The following MYRIP variants were observed in gnomAD, a reference collection of about 807,000 sequenced individuals.
MYRIP encodes the protein rab effector MyRIP.
MYRIP carries 49 observed loss-of-function variants against 98.0 expected under a neutral mutation model. That is an observed-to-expected ratio of 0.50 (90% CI 0.40 to 0.63). MYRIP has a LOEUF of 0.63. Ranked by LOEUF, MYRIP falls within the 30% of genes least tolerant of loss-of-function variation. MYRIP has a pLI of 0.00. For missense variants in MYRIP, 1,004 were observed against 1,058.2 expected (o/e 0.95, Z 0.71); for synonymous variants, 404 against 409.5 (o/e 0.99, Z 0.16).
At chr3:39,895,551 T>C (rs1943588049) in intron 1 of MYRIP, among the ~76,000 whole-genome samples, 1 of 152,140 alleles carries the variant, frequency 6.6e-6, no homozygotes, top group South Asian at 2.1e-4. Context: ...GAAACTTTTT[T>C]TGCGGTAAAC....
At chr3:40,185,609 A>C (rs1951012006) in intron 9 of MYRIP, among the ~76,000 whole-genome samples, 1 of 152,162 alleles carries the variant, frequency 6.6e-6, no homozygotes, top group Non-Finnish European at 1.5e-5. Flanking sequence ...TGTTTTTGCT[A>C]AGAAGTAAAA....
At chr3:39,877,729 A>G (rs1412679914) in intron 1 of MYRIP, among the ~76,000 whole-genome samples, 1 of 152,056 alleles carries the variant, frequency 6.6e-6, no homozygotes, top group East Asian at 1.9e-4. Context: ...GTACCCGGCC[A>G]TGTGAGGTGT....
At chr3:39,839,741 A>G (rs542463495) in intron 1 of MYRIP, among the ~76,000 whole-genome samples, 27 of 152,206 alleles carry the variant, frequency 1.8e-4, no homozygotes, top group Admixed American at 9.2e-4. Context: ...ATTCAGGAGC[A>G]GGTTGTTCAG....
intron 1 of MYRIP, among the ~76,000 whole-genome samples, chr3:39,870,757 C>A (rs1002648523): frequency 6.6e-6 from 1 of 152,132 alleles, no homozygotes; most frequent in African/African-American, 2.4e-5. Flanking sequence ...ACATTAAATA[C>A]AACCAGGCAT....
At chr3:40,144,180 C>T (rs1384332057) in intron 3 of MYRIP, among the ~76,000 whole-genome samples, 1 of 152,206 alleles carries the variant, frequency 6.6e-6, no homozygotes, top group Non-Finnish European at 1.5e-5. Flanking sequence ...TGCCTTCAGG[C>T]TTGAGTAGAT....
intron 11 of MYRIP, 45 bp from the exon 12 acceptor site, chr3:40,233,814 G>A: frequency 1.3e-6 from 2 of 1,544,210 alleles, no homozygotes; most frequent in African/African-American, 2.8e-5. Context: ...CATTGTTAAT[G>A]TGCTGTTCTT....
At chr3:39,864,618 G>T (rs1163336506) in intron 1 of MYRIP, among the ~76,000 whole-genome samples, 1 of 152,032 alleles carries the variant, frequency 6.6e-6, no homozygotes, top group African/African-American at 2.4e-5. Flanking sequence ...TCTACAATGA[G>T]AATTTAAAAA....
intron 2 of MYRIP, among the ~76,000 whole-genome samples, chr3:40,019,553 T>C (rs1357661252): frequency 6.6e-6 from 1 of 152,216 alleles, no homozygotes; most frequent in Admixed American, 6.5e-5. Context: ...TCTGTGGCTA[T>C]GTTTTTACCA....
intron 3 of MYRIP, among the ~76,000 whole-genome samples, chr3:40,061,249 A>C (rs989506774): frequency 6.6e-6 from 1 of 152,140 alleles, no homozygotes; most frequent in Non-Finnish European, 1.5e-5. Flanking sequence ...TCCACCCTCC[A>C]GTAGACCCCA....
chr3:39,984,735 T>C (rs1324077512), intron 2 of MYRIP, among the ~76,000 whole-genome samples: 1 of 152,042 alleles, frequency 6.6e-6, no homozygotes, highest in Admixed American at 6.5e-5. Flanking sequence ...CCTTTGGGTA[T>C]ATACCCAGTA....
intron 2 of MYRIP, among the ~76,000 whole-genome samples, chr3:39,958,193 G>A (rs1343606356): frequency 4.6e-5 from 7 of 152,008 alleles, no homozygotes; most frequent in Admixed American, 1.3e-4. Flanking sequence ...AAGTTCATAC[G>A]GAACCAAAAA....
At chr3:39,822,092 T>C (rs1941118670) in intron 1 of MYRIP, among the ~76,000 whole-genome samples, 1 of 152,352 alleles carries the variant, frequency 6.6e-6, no homozygotes, top group African/African-American at 2.4e-5. Flanking sequence ...AGTTTAAGTG[T>C]ATACCATTAT....
chr3:40,183,973 A>G (rs545598179), intron 9 of MYRIP, among the ~76,000 whole-genome samples: 2 of 152,342 alleles, frequency 1.3e-5, no homozygotes, highest in South Asian at 4.1e-4. Flanking sequence ...TTACCAAAAG[A>G]GATTATTTTT....
intron 3 of MYRIP, among the ~76,000 whole-genome samples, chr3:40,095,444 C>G (rs1395856456): frequency 3.3e-5 from 5 of 152,146 alleles, no homozygotes; most frequent in Non-Finnish European, 7.3e-5. Flanking sequence ...CCAGAGCCCA[C>G]GAGCCTGGCC....
At chr3:39,930,441 C>G (rs1245619800) in intron 2 of MYRIP, among the ~76,000 whole-genome samples, 1 of 152,010 alleles carries the variant, frequency 6.6e-6, no homozygotes, top group Non-Finnish European at 1.5e-5. Flanking sequence ...ATTATGAATA[C>G]AGTTCACTTA....
rs558163936 is a variant in MYRIP, at chr3:39,981,924, G to C, written c.111-62126G>C. On this transcript the variant is annotated intron_variant, in intron 2 of 16. Coordinates refer to ENST00000302541, the MANE Select transcript of MYRIP (RefSeq NM_015460.4). ...AAATAAAAGTGAACTGATTGGATTG[G>C]AGAACACACACACACACAAAAAAAC... 2.6e-5 allele frequency among the ~76,000 whole-genome samples: 4 copies of C among 152,150 alleles called. 1 individual carries two copies. The South Asian group carries it at 8.3e-4, about 32-fold the overall frequency.
At chr3:40,223,172 G>A (rs573463817) in intron 11 of MYRIP, among the ~76,000 whole-genome samples, 1 of 152,240 alleles carries the variant, frequency 6.6e-6, no homozygotes, top group East Asian at 1.9e-4. Flanking sequence ...TTAGGTTAGA[G>A]GTTTAATGCA....
chr3:40,157,712 G>T (rs1472003168), intron 4 of MYRIP, among the ~76,000 whole-genome samples: 1 of 150,540 alleles, frequency 6.6e-6, no homozygotes, highest in African/African-American at 2.4e-5. Flanking sequence ...CTTCTTCCTG[G>T]TTTAGTCTTG....
intron 8 of MYRIP, among the ~76,000 whole-genome samples, chr3:40,181,596 A>G (rs1950883423): frequency 6.6e-6 from 1 of 152,174 alleles, no homozygotes; most frequent in Non-Finnish European, 1.5e-5. Flanking sequence ...TGGCAAAGAA[A>G]AACTTTAGTC....
Sources: allele counts gnomAD v4.1 joint callset (sites outside exome capture counted in the v4.1 genomes callset), GRCh38; gene constraint gnomAD v4.1.1; transcripts MANE v1.5; gene names NCBI Gene and HGNC (gene_info 2026-07-23, HGNC 2026-07-21).